HOOK3: variants seen among roughly 807,000 people sequenced by gnomAD.
The protein encoded by HOOK3 is hook microtubule tethering protein 3, also known as protein Hook homolog 3.
A neutral mutation model predicts 116.3 loss-of-function variants in HOOK3; 24 were observed. That is an observed-to-expected ratio of 0.21 (90% CI 0.15 to 0.29). HOOK3 has a LOEUF of 0.29. Ranked by LOEUF, HOOK3 falls within the 10% of genes least tolerant of loss-of-function variation. HOOK3 has a pLI of 1.00. For missense variants in HOOK3, 632 were observed against 830.2 expected (o/e 0.76, Z 2.93); for synonymous variants, 275 against 283.0 (o/e 0.97, Z 0.28).
At chr8:42,995,059 G>A (rs191777262) in intron 15 of HOOK3, among the ~76,000 whole-genome samples, 1 of 152,304 alleles carries the variant, frequency 6.6e-6, no homozygotes, top group Admixed American at 6.5e-5. Context: ...ATTGAATGTG[G>A]ATTTTTCAGG....
intron 4 of HOOK3, among the ~76,000 whole-genome samples, chr8:42,941,156 A>T (rs1808111639): frequency 1.3e-5 from 2 of 151,594 alleles, no homozygotes; most frequent in South Asian, 4.1e-4. Flanking sequence ...TATGTTGGCC[A>T]GGCTGGTTTC....
At chr8:42,902,656 A>G (rs530471502) in intron 1 of HOOK3, among the ~76,000 whole-genome samples, 25 of 152,258 alleles carry the variant, frequency 1.6e-4, no homozygotes, top group Admixed American at 5.2e-4. Flanking sequence ...AAAATACCTC[A>G]TGGGCATTCA....
chr8:42,909,870 T>C (rs921233613), intron 2 of HOOK3, among the ~76,000 whole-genome samples: 2 of 152,216 alleles, frequency 1.3e-5, no homozygotes, highest in African/African-American at 2.4e-5. Flanking sequence ...ATCTCACTTA[T>C]GTGGAATCTA....
At chr8:42,959,178 TATTA>T in intron 7 of HOOK3, 49 bp from the exon 8 acceptor site, 4 of 1,185,258 alleles carry the variant, frequency 3.4e-6, no homozygotes, top group South Asian at 1.3e-5. Context: ...ACATACGAAT[TATTA>T]ATTGTTACCA....
chr8:42,912,963 T>G (rs1190238265), intron 2 of HOOK3, among the ~76,000 whole-genome samples: 1 of 152,218 alleles, frequency 6.6e-6, no homozygotes, highest in Non-Finnish European at 1.5e-5. Flanking sequence ...CTGCATAGTT[T>G]TGCCTTTTCT....
At chr8:42,938,833 CT>C (rs1430076792) in intron 4 of HOOK3, among the ~76,000 whole-genome samples, 1 of 151,916 alleles carries the variant, frequency 6.6e-6, no homozygotes, top group African/African-American at 2.4e-5. Context: ...GAACAAAGGT[CT>C]CTGGTTTTCC....
intron 6 of HOOK3, among the ~76,000 whole-genome samples, chr8:42,953,483 C>G (rs2692077): frequency 0.26 from 38,667 of 150,808 alleles, 7,138 homozygotes; most frequent in African/African-American, 0.52. Context: ...AGAATGGCTT[C>G]AATTTGGGAG....
chr8:42,913,676 C>G (rs1362356930), intron 2 of HOOK3, among the ~76,000 whole-genome samples: 2 of 152,150 alleles, frequency 1.3e-5, no homozygotes, highest in Non-Finnish European at 2.9e-5. Context: ...TAGGTCTATG[C>G]TTAATATTCA....
chr8:43,027,430 TG>T lies in HOOK3; in HGVS notation c.*8933del. 2.1e-6 allele frequency: 1 copy of T among 477,490 alleles called. No homozygotes were observed. The highest frequency in any genetic ancestry group is 4.1e-6 in the Non-Finnish European group (1 of 243,782). The allele number at this position is 477,490 out of a possible 1,614,324, so 29.6% of individuals were successfully genotyped here. On this transcript the variant is annotated 3_prime_UTR_variant, in exon 22 of 22. Coordinates refer to ENST00000307602, the MANE Select transcript of HOOK3 (RefSeq NM_032410.4). ...TTCTGTCATTTGTTCTGTTTGTAGATGAGAGACATGCTTTTAAAGTACAAAA... is the reference window on the plus strand; with the variant it reads ...TTCTGTCATTTGTTCTGTTTGTAGATAGAGACATGCTTTTAAAGTACAAAA...
intron 6 of HOOK3, among the ~76,000 whole-genome samples, chr8:42,953,875 A>G (rs1004922977): frequency 2.0e-5 from 3 of 152,208 alleles, no homozygotes; most frequent in Non-Finnish European, 4.4e-5. Flanking sequence ...AGGTTCGCAT[A>G]GAAGTAGTGA....
intron 4 of HOOK3, 129 bp from the exon 5 acceptor site, chr8:42,943,184 G>T: frequency 2.2e-6 from 1 of 458,230 alleles, no homozygotes. Context: ...TAGAAATTGG[G>T]AGTGAAATGG....
chr8:42,897,069 C>A lies in HOOK3; in HGVS notation c.-63C>A. 1 of 1,199,470 alleles carries A rather than the reference C, an allele frequency of 8.3e-7. No homozygotes were observed. The highest frequency in any genetic ancestry group is 1.6e-5 in the African/African-American group (1 of 63,318). The allele number at this position is 1,199,470 out of a possible 1,614,324, so 74.3% of individuals were successfully genotyped here. On this transcript the variant is annotated 5_prime_UTR_variant, in exon 1 of 22. Coordinates refer to ENST00000307602, the MANE Select transcript of HOOK3 (RefSeq NM_032410.4). ...AGTCAGCTGCGCGGGCCCCCGGATCCCCCGACAGAGCGGCGGCGGTGTCTG... is the reference window on the plus strand; with the variant it reads ...AGTCAGCTGCGCGGGCCCCCGGATCACCCGACAGAGCGGCGGCGGTGTCTG...
intron 17 of HOOK3, among the ~76,000 whole-genome samples, chr8:43,004,542 A>T (rs1281302549): frequency 1.3e-5 from 2 of 151,510 alleles, no homozygotes; most frequent in African/African-American, 4.8e-5. Flanking sequence ...TTAGCCAGGC[A>T]TGGTGGCGCA....
chr8:42,908,190 T>C (rs1301950961), intron 2 of HOOK3, among the ~76,000 whole-genome samples: 1 of 152,244 alleles, frequency 6.6e-6, no homozygotes, highest in Non-Finnish European at 1.5e-5. Flanking sequence ...AAAGGAAAGA[T>C]ACTCTGTATT....
chr8:42,925,608 A>G lies in HOOK3; in HGVS notation c.195A>G (p.Val65=), dbSNP rs746608739. 2 of 1,602,650 alleles carry G rather than the reference A, an allele frequency of 1.2e-6. No homozygotes were observed. The highest frequency in any genetic ancestry group is 1.7e-6 in the Non-Finnish European group (2 of 1,171,770). ...ENWLNRIKTE[V]GDNWRLKISN... ...GGCTAAACAGAATCAAAACTGAAGT[A>G]GGAGATAATTGGAGGCTAAAGGTAT... Residue 65 remains valine, a synonymous_variant, in exon 3 of 22, where the codon GTA becomes GTG. Coordinates refer to ENST00000307602, the MANE Select transcript of HOOK3 (RefSeq NM_032410.4).
chr8:43,005,850 C>A (rs1809475646), intron 17 of HOOK3, among the ~76,000 whole-genome samples: 1 of 150,264 alleles, frequency 6.7e-6, no homozygotes, highest in South Asian at 2.1e-4. Flanking sequence ...CCCCCCCCCA[C>A]CACACCCAGC....
intron 3 of HOOK3, 103 bp downstream of exon 3, chr8:42,925,732 G>T (rs1586593764): frequency 2.0e-5 from 14 of 697,704 alleles, no homozygotes; most frequent in African/African-American, 1.8e-5. Flanking sequence ...AGAAGCTTAG[G>T]TAGCCTGTAA....
chr8:42,974,020 T>C lies in HOOK3; in HGVS notation c.1234-87T>C, dbSNP rs527731662. On this transcript the variant is annotated intron_variant, in intron 12 of 21. Transcript: ENST00000307602. The stretch of plus-strand genomic sequence containing the variant: ...AAACATGTTCATGTTCACTATTGTT[T>C]ATCATTCTATTAGGTAAGGCAGAGG... 515 of 881,670 alleles carry C rather than the reference T, an allele frequency of 5.8e-4. 9 individuals are homozygous for C. In the South Asian group the frequency reaches 6.0e-3, roughly 10 times the overall value. 54.6% of individuals were successfully genotyped at this position (881,670 alleles called of 1,614,324 possible). A position where few individuals can be genotyped will look rare whatever the true frequency, so the allele number is the denominator to read the frequency against.
At chr8:42,997,767 T>A in intron 16 of HOOK3, 130 bp downstream of exon 16, 1 of 669,438 alleles carries the variant, frequency 1.5e-6, no homozygotes, top group South Asian at 1.6e-5. Context: ...AAATAGTGTT[T>A]TCCTTTTTAC....
Sources: allele counts gnomAD v4.1 joint callset (sites outside exome capture counted in the v4.1 genomes callset), GRCh38; gene constraint gnomAD v4.1.1; transcripts MANE v1.5; gene names NCBI Gene and HGNC (gene_info 2026-07-23, HGNC 2026-07-21).